TAFA1: variants seen among roughly 807,000 people sequenced by gnomAD.
TAFA1 encodes the protein TAFA chemokine like family member 1.
Under a neutral mutation model 18.5 loss-of-function variants are expected in TAFA1, and 4 were observed. The observed-to-expected ratio is 0.22, with a 90% CI of 0.11 to 0.49. TAFA1 has a LOEUF of 0.49. Ranked by LOEUF, TAFA1 falls within the 20% of genes least tolerant of loss-of-function variation. TAFA1 has a pLI of 0.98. For missense variants in TAFA1, 147 were observed against 169.0 expected (o/e 0.87, Z 0.72); for synonymous variants, 56 against 55.2 (o/e 1.01, Z -0.06).
chr3:68,520,104 G>A (rs990162390), intron 3 of TAFA1, among the ~76,000 whole-genome samples: 3 of 152,120 alleles, frequency 2.0e-5, no homozygotes, highest in African/African-American at 7.2e-5. Flanking sequence ...TTTTCTTTGG[G>A]AAAAGTTGTC....
intron 3 of TAFA1, among the ~76,000 whole-genome samples, chr3:68,533,282 C>T (rs368404702): frequency 2.5e-4 from 38 of 152,010 alleles, no homozygotes; most frequent in African/African-American, 8.7e-4. Context: ...AAAAGCACAT[C>T]TTATATGGTG....
the TAFA1 span, among the ~76,000 whole-genome samples, chr3:67,996,130 T>C: frequency 6.6e-6 from 1 of 152,158 alleles, no homozygotes; most frequent in African/African-American, 2.4e-5. Context: ...TCTTCAACAG[T>C]AATTGAGTTC....
intron 3 of TAFA1, among the ~76,000 whole-genome samples, chr3:68,514,520 A>T (rs575244352): frequency 6.6e-6 from 1 of 152,100 alleles, no homozygotes; most frequent in African/African-American, 2.4e-5. Flanking sequence ...CATTCAACTG[A>T]TTTAAACAAA....
chr3:68,527,410 C>A (rs1023380291), intron 3 of TAFA1, among the ~76,000 whole-genome samples: 6 of 152,256 alleles, frequency 3.9e-5, no homozygotes, highest in African/African-American at 1.4e-4. Context: ...TAGCCCATAA[C>A]AGGTAAAAGA....
At chr3:68,076,619 C>G (rs1428617209) in intron 2 of TAFA1, among the ~76,000 whole-genome samples, 1 of 152,246 alleles carries the variant, frequency 6.6e-6, no homozygotes, top group Non-Finnish European at 1.5e-5. Context: ...CATCCATGTC[C>G]CTACAAAGGA....
intron 2 of TAFA1, among the ~76,000 whole-genome samples, chr3:68,240,045 G>T (rs762886317): frequency 6.6e-6 from 1 of 152,192 alleles, no homozygotes; most frequent in African/African-American, 2.4e-5. Context: ...GAGGTAAAGT[G>T]ATTACCCAAG....
Position 68,393,504 on chromosome 3 carries a change from T to C in TAFA1, c.119-23776T>C, listed in dbSNP as rs1195640927. ...AGAAAAAGAGGCACTCCTCCCTAAGTTATTTTATGAGGCAAGCATCATCCT... is the reference window on the plus strand; with the variant it reads ...AGAAAAAGAGGCACTCCTCCCTAAGCTATTTTATGAGGCAAGCATCATCCT... On this transcript the variant is annotated intron_variant, in intron 2 of 4. Coordinates refer to ENST00000478136, the MANE Select transcript of TAFA1 (RefSeq NM_213609.4). Among the ~76,000 whole-genome samples, 4 of 152,184 alleles carry C rather than the reference T, an allele frequency of 2.6e-5. No homozygotes were observed. In the East Asian group the frequency reaches 7.7e-4, roughly 29 times the overall value.
intron 2 of TAFA1, among the ~76,000 whole-genome samples, chr3:68,223,992 A>G (rs2066764860): frequency 6.6e-6 from 1 of 150,742 alleles, no homozygotes; most frequent in Non-Finnish European, 1.5e-5. Flanking sequence ...AATGCAGTTA[A>G]TGAGAATAAA....
intron 2 of TAFA1, among the ~76,000 whole-genome samples, chr3:68,063,925 G>A (rs1268183126): frequency 2.0e-5 from 3 of 152,176 alleles, no homozygotes. Flanking sequence ...CTCTGGCGAT[G>A]CCAGAATTGC....
At chr3:68,450,536 G>A (rs2071553179) in intron 3 of TAFA1, among the ~76,000 whole-genome samples, 1 of 152,210 alleles carries the variant, frequency 6.6e-6, no homozygotes, top group Non-Finnish European at 1.5e-5. Flanking sequence ...CCAGGCAACA[G>A]TGTATTTTAA....
At chr3:68,155,425 T>C (rs2065856503) in intron 2 of TAFA1, among the ~76,000 whole-genome samples, 1 of 152,174 alleles carries the variant, frequency 6.6e-6, no homozygotes, top group East Asian at 1.9e-4. Context: ...CCAGCATTAA[T>C]ATCATCCCTA....
At chr3:68,356,954 C>T (rs771963231) in intron 2 of TAFA1, among the ~76,000 whole-genome samples, 1 of 151,900 alleles carries the variant, frequency 6.6e-6, no homozygotes, top group Non-Finnish European at 1.5e-5. Flanking sequence ...TCTCTAGTAT[C>T]ACGTGTTTTA....
chr3:68,277,689 C>G (rs1002056243), intron 2 of TAFA1, among the ~76,000 whole-genome samples: 7 of 152,096 alleles, frequency 4.6e-5, no homozygotes, highest in Non-Finnish European at 1.0e-4. Context: ...CTTCCAAAAA[C>G]AGATGTAATC....
intron 3 of TAFA1, among the ~76,000 whole-genome samples, chr3:68,476,052 G>C (rs941650546): frequency 2.0e-5 from 3 of 152,226 alleles, no homozygotes; most frequent in African/African-American, 7.2e-5. Context: ...TGTAGATTCT[G>C]GATATTAGCC....
chr3:68,494,153 G>A (rs542990620), intron 3 of TAFA1, among the ~76,000 whole-genome samples: 11 of 152,226 alleles, frequency 7.2e-5, no homozygotes, highest in African/African-American at 1.2e-4. Context: ...CCAAGCTGGC[G>A]TGCAGTGGCA....
At chr3:68,404,188 A>C (rs1188992669) in intron 2 of TAFA1, among the ~76,000 whole-genome samples, 1 of 152,194 alleles carries the variant, frequency 6.6e-6, no homozygotes, top group Non-Finnish European at 1.5e-5. Flanking sequence ...AATCCAGCTA[A>C]TAAAGGGTGG....
chr3:68,531,106 C>A, intron 3 of TAFA1, among the ~76,000 whole-genome samples: 1 of 152,080 alleles, frequency 6.6e-6, no homozygotes, highest in East Asian at 1.9e-4. Flanking sequence ...TCCTGCACTT[C>A]CTACCTGTGT....
intron 3 of TAFA1, among the ~76,000 whole-genome samples, chr3:68,463,512 C>T (rs973731114): frequency 1.6e-4 from 24 of 152,056 alleles, no homozygotes; most frequent in Non-Finnish European, 2.8e-4. Flanking sequence ...TCTCAGGATC[C>T]GCCCCCACTT....
intron 3 of TAFA1, among the ~76,000 whole-genome samples, chr3:68,517,811 G>C (rs137881219): frequency 7.9e-5 from 12 of 152,130 alleles, no homozygotes; most frequent in African/African-American, 2.9e-4. Flanking sequence ...TCTTTGATTT[G>C]TCACAGCAAT....
Sources: gnomAD v4.1 joint callset for allele counts (sites outside exome capture counted in the v4.1 genomes callset) on GRCh38, gnomAD v4.1.1 for gene constraint, MANE v1.5 for transcripts, NCBI Gene and HGNC (gene_info 2026-07-23, HGNC 2026-07-21) for gene names.